Variants in UMAD1 observed in about 807,000 individuals in gnomAD.
UMAD1 encodes UBAP1-MVB12-associated (UMA) domain containing 1.
In UMAD1, 8 loss-of-function variants were observed where a neutral mutation model predicts 6.1. That is an observed-to-expected ratio of 1.30 (90% CI 0.76 to 2.35). UMAD1 has a LOEUF of 2.35. UMAD1 is among the 30% of genes most tolerant of loss of function. The probability of loss-of-function intolerance (pLI) is 0.00; values close to 1 mark genes in which losing one functional copy is unlikely to be tolerated. For missense variants in UMAD1, 130 were observed against 78.4 expected (o/e 1.66, Z -2.49); for synonymous variants, 56 against 31.4 (o/e 1.78, Z -2.61).
chr7:7,811,990 T>C (rs373266372), intron 3 of UMAD1, among the ~76,000 whole-genome samples: 69 of 152,356 alleles, frequency 4.5e-4, no homozygotes, highest in Middle Eastern at 6.8e-3. Context: ...AAGATAAACT[T>C]ACAGCCTGCT....
intron 2 of UMAD1, among the ~76,000 whole-genome samples, chr7:7,719,127 G>A (rs564853881): frequency 7.8e-4 from 118 of 152,178 alleles, no homozygotes; most frequent in African/African-American, 2.7e-3. Context: ...TCAAGATTTA[G>A]TGATGGTTTA....
intron 3 of UMAD1, among the ~76,000 whole-genome samples, chr7:7,835,685 G>A (rs1401025191): frequency 6.6e-6 from 1 of 151,260 alleles, no homozygotes; most frequent in Non-Finnish European, 1.5e-5. Context: ...TAGCAGTGGA[G>A]ATTATTTGTC....
At chr7:7,833,427 G>A (rs963195561) in intron 3 of UMAD1, among the ~76,000 whole-genome samples, 3 of 152,050 alleles carry the variant, frequency 2.0e-5, no homozygotes, top group Non-Finnish European at 4.4e-5. Context: ...TTCAGAGATG[G>A]GCAAAGTACA....
chr7:7,715,047 T>A (rs914384388), intron 2 of UMAD1: 10 of 151,908 alleles, frequency 6.6e-5, no homozygotes, highest in African/African-American at 2.4e-4. Flanking sequence ...TGTAGGCAAA[T>A]CCACAAATCT....
chr7:7,641,340 G>A (rs17466949), intron 1 of UMAD1, among the ~76,000 whole-genome samples: 1 of 152,162 alleles, frequency 6.6e-6, no homozygotes, highest in East Asian at 1.9e-4. Context: ...CCAGTACTAG[G>A]GGAGACAAGC....
At chr7:7,821,474 C>T (rs1401621699) in intron 3 of UMAD1, among the ~76,000 whole-genome samples, 1 of 152,126 alleles carries the variant, frequency 6.6e-6, no homozygotes, top group Non-Finnish European at 1.5e-5. Context: ...ATATGTGTTT[C>T]ACCTCACTGA....
At chr7:7,716,521 A>G (rs1224458354) in intron 2 of UMAD1, among the ~76,000 whole-genome samples, 2 of 152,238 alleles carry the variant, frequency 1.3e-5, no homozygotes, top group Non-Finnish European at 2.9e-5. Context: ...GTAAAGGGCC[A>G]CTTGGAAGCC....
At chr7:7,854,355 C>CAAAAAAAAAAAAAAAAAA (rs34829393) in intron 3 of UMAD1, among the ~76,000 whole-genome samples, 1 of 49,164 alleles carries the variant, frequency 2.0e-5, no homozygotes, top group East Asian at 6.0e-4. Flanking sequence ...AGCTCCATCT[C>CAAAAAAAAAAAAAAAAAA]AAAAAAAAAA....
chr7:7,874,548 G>A (rs1351518302), intron 3 of UMAD1, among the ~76,000 whole-genome samples: 1 of 152,146 alleles, frequency 6.6e-6, no homozygotes, highest in Non-Finnish European at 1.5e-5. Flanking sequence ...CGGGCACAGT[G>A]GCTCACGCCT....
At chr7:7,741,092 C>T (rs1003246304) in intron 2 of UMAD1, 6 of 152,148 alleles carry the variant, frequency 3.9e-5, no homozygotes, top group South Asian at 2.1e-4. Flanking sequence ...AAACCATTAA[C>T]GTAGCTAATA....
intron 2 of UMAD1, among the ~76,000 whole-genome samples, chr7:7,741,298 G>A (rs893651077): frequency 3.3e-5 from 5 of 151,772 alleles, no homozygotes; most frequent in East Asian, 3.9e-4. Context: ...GTGGCCTGGC[G>A]CGGTGGCTCA....
chr7:7,713,095 T>C lies in UMAD1; in HGVS notation c.82+39642T>C, dbSNP rs1390198686. ...GGCTCACACCTATAATCCCAGCACA[T>C]TGGGAGGCTAAGGCAGGCAGATCAC... On this transcript the variant is annotated intron_variant, in intron 2 of 3. Transcript: ENST00000682710. 5.3e-4 allele frequency among the ~76,000 whole-genome samples: 81 copies of C among 151,888 alleles called. 3 individuals are homozygous for C. Among genetic ancestry groups the C allele is most frequent in the Admixed American group, 5.1e-3 (77 of 15,244 alleles).
At chr7:7,646,824 C>T (rs940526803) in intron 1 of UMAD1, among the ~76,000 whole-genome samples, 3 of 152,096 alleles carry the variant, frequency 2.0e-5, no homozygotes, top group African/African-American at 7.2e-5. Context: ...CATTCTGCTG[C>T]TCTGCCACTC....
intron 3 of UMAD1, among the ~76,000 whole-genome samples, chr7:7,821,805 A>G (rs1398982041): frequency 6.6e-6 from 1 of 152,110 alleles, no homozygotes; most frequent in African/African-American, 2.4e-5. Context: ...GATGGCTTTT[A>G]TGTGGTTGTT....
rs1268918691 is a variant in UMAD1 at position 7,745,417 on chromosome 7, G to A, written c.83-56253G>A. On this transcript the variant is annotated intron_variant, in intron 2 of 3. Transcript: ENST00000682710. The stretch of plus-strand genomic sequence containing the variant: ...AAACTCTGAACTCCTTACGGGGTGT[G>A]CCTATCATTGATAAGCTGAGAAAGG... 4.1e-4 allele frequency among the ~76,000 whole-genome samples: 63 copies of A among 152,124 alleles called. 1 individual carries two copies. The highest frequency in any genetic ancestry group is 4.1e-3 in the Admixed American group (62 of 15,280).
intron 3 of UMAD1, among the ~76,000 whole-genome samples, chr7:7,839,379 T>C (rs1035450680): frequency 1.3e-5 from 2 of 152,098 alleles, no homozygotes; most frequent in Admixed American, 6.6e-5. Context: ...CCAGGCTAAT[T>C]TAAAAAAAAA....
intron 2 of UMAD1, among the ~76,000 whole-genome samples, chr7:7,766,592 T>G (rs1229072465): frequency 1.3e-5 from 2 of 152,244 alleles, no homozygotes; most frequent in Non-Finnish European, 2.9e-5. Context: ...TACAGCCCTC[T>G]TTAGGCAATC....
At chr7:7,849,119 A>T (rs1341089722) in intron 3 of UMAD1, among the ~76,000 whole-genome samples, 1 of 152,168 alleles carries the variant, frequency 6.6e-6, no homozygotes, top group Non-Finnish European at 1.5e-5. Context: ...ACTAACATTT[A>T]TTGATTACTT....
intron 3 of UMAD1, among the ~76,000 whole-genome samples, chr7:7,856,852 A>T (rs34965254): frequency 6.6e-6 from 1 of 152,188 alleles, no homozygotes; most frequent in Non-Finnish European, 1.5e-5. Flanking sequence ...TTTTGGGTAT[A>T]AAAGGAAAAC....
Sources: gnomAD v4.1 joint callset for allele counts (sites outside exome capture counted in the v4.1 genomes callset) on GRCh38, gnomAD v4.1.1 for gene constraint, MANE v1.5 for transcripts, NCBI Gene and HGNC (gene_info 2026-07-23, HGNC 2026-07-21) for gene names.